Variants in NIPBL observed in about 807,000 individuals in gnomAD.
NIPBL encodes the protein nipped-B-like protein.
A neutral mutation model predicts 321.8 loss-of-function variants in NIPBL; 19 were observed. The ratio of observed to expected loss-of-function variants is 0.06; its 90% CI spans 0.04 to 0.09. The LOEUF is 0.09. Ranked by LOEUF, NIPBL falls within the 10% of genes least tolerant of loss-of-function variation. NIPBL has a pLI of 1.00. For missense variants in NIPBL, 2,210 were observed against 3,327.0 expected, an observed-to-expected ratio of 0.66 and a Z score of 8.26; for synonymous variants, 1,106 against 1,114.1, an observed-to-expected ratio of 0.99 and a Z score of 0.14.
intron 11 of NIPBL, among the ~76,000 whole-genome samples, chr5:36,999,713 C>CGCTT (rs139729234): frequency 0.042 from 6,385 of 152,234 alleles, 455 homozygotes; most frequent in African/African-American, 0.15. Context: ...GCTTATGAAG[C>CGCTT]GTGCATAAGC....
intron 10 of NIPBL, among the ~76,000 whole-genome samples, chr5:36,991,535 A>T (rs1300885011): frequency 3.0e-4 from 45 of 152,250 alleles, no homozygotes; most frequent in Non-Finnish European, 1.5e-5. Flanking sequence ...GGAAAGAATC[A>T]TTTGATCCCT....
chr5:36,957,216 G>T (rs1252255265), intron 3 of NIPBL, among the ~76,000 whole-genome samples: 1 of 152,078 alleles, frequency 6.6e-6, no homozygotes, highest in Non-Finnish European at 1.5e-5. Context: ...TTATATTGAA[G>T]TTTATTGAAA....
chr5:36,980,863 T>G (rs1744060192), intron 9 of NIPBL, among the ~76,000 whole-genome samples: 1 of 151,622 alleles, frequency 6.6e-6, no homozygotes, highest in Non-Finnish European at 1.5e-5. Context: ...GTTTCTGCAT[T>G]GTGTGATGGG....
chr5:36,969,368 C>T (rs979402841), intron 6 of NIPBL, among the ~76,000 whole-genome samples: 2 of 152,158 alleles, frequency 1.3e-5, no homozygotes, highest in African/African-American at 4.8e-5. Flanking sequence ...GCAGCTCAGT[C>T]TAACAACAGT....
intron 21 of NIPBL, 27 bp downstream of exon 21, chr5:37,010,252 A>C: frequency 6.5e-7 from 1 of 1,527,120 alleles, no homozygotes; most frequent in Non-Finnish European, 9.1e-7. Flanking sequence ...AGGTTTTACA[A>C]CTGTACTTTT....
chr5:36,967,954 A>G (rs1003435191), intron 6 of NIPBL, among the ~76,000 whole-genome samples: 1 of 151,964 alleles, frequency 6.6e-6, no homozygotes, highest in Non-Finnish European at 1.5e-5. Flanking sequence ...AAAATTAGCC[A>G]GGCAAGGTGG....
Position 36,953,773 on chromosome 5 carries a change from A to G in NIPBL, c.64+13A>G. On this transcript the variant is annotated intron_variant, in intron 2 of 46. Transcript: ENST00000282516. ...AGTCTCACAGACCGTAAGTTTGGTT[A>G]ATTTATCTAATTTAAGTTCTACTGT... The G allele has an allele frequency of 4.4e-6, 7 of 1,597,236 alleles. No individual in the cohort carries two copies. Among genetic ancestry groups the G allele is most frequent in the Non-Finnish European group, 6.0e-6 (7 of 1,164,674 alleles).
At chr5:37,049,716 C>T (rs1026733680) in intron 40 of NIPBL, among the ~76,000 whole-genome samples, 2 of 152,150 alleles carry the variant, frequency 1.3e-5, no homozygotes, top group Admixed American at 1.3e-4. Context: ...ATTCCTTCAT[C>T]TTTAAGTTGG....
intron 1 of NIPBL, among the ~76,000 whole-genome samples, chr5:36,945,482 A>G (rs1415549807): frequency 6.6e-6 from 1 of 151,840 alleles, no homozygotes; most frequent in Non-Finnish European, 1.5e-5. Context: ...TTCTCTGCAT[A>G]ATAGTACTCA....
At chr5:36,991,174 T>G (rs1303445241) in intron 10 of NIPBL, among the ~76,000 whole-genome samples, 22 of 152,036 alleles carry the variant, frequency 1.4e-4, no homozygotes, top group Admixed American at 1.4e-3. Flanking sequence ...AAATTCTCTT[T>G]TAAACTTATT....
In NIPBL at chr5:37,052,621, ATAAAG is replaced by A. The variant is rs539504872; in HGVS notation, c.7263+58_7263+62del. Reference sequence around the variant, plus strand: ...AATAAGTGCTCTAGAAATTTTATGGATAAAGTAGTCATTTTTTAAATATTACCATT... The same window carrying A: ...AATAAGTGCTCTAGAAATTTTATGGATAGTCATTTTTTAAATATTACCATT... On this transcript the variant is annotated intron_variant, in intron 42 of 46. Transcript: ENST00000282516. The A allele has an allele frequency of 1.1e-3, 1,487 of 1,345,986 alleles. 8 individuals are homozygous for A. Among genetic ancestry groups the A allele is most frequent in the South Asian group, 4.8e-3 (402 of 83,608 alleles). 83.4% of individuals were successfully genotyped at this position (1,345,986 alleles called of 1,614,324 possible). A position where few individuals can be genotyped will look rare whatever the true frequency, so the allele number is the denominator to read the frequency against.
chr5:36,962,709 T>A (rs1409326339), intron 6 of NIPBL, among the ~76,000 whole-genome samples: 1 of 152,094 alleles, frequency 6.6e-6, no homozygotes, highest in Admixed American at 6.5e-5. Context: ...GGAAAAAAAA[T>A]TGAGTCTGTA....
chr5:36,879,206 A>G (rs1745327145), intron 1 of NIPBL, among the ~76,000 whole-genome samples: 1 of 152,186 alleles, frequency 6.6e-6, no homozygotes, highest in Non-Finnish European at 1.5e-5. Context: ...CTTAATTTTC[A>G]CGAACTGAAG....
At position 37,063,802 on chromosome 5, in the gene NIPBL, A is replaced by T; in HGVS notation, c.7873A>T (p.Met2625Leu). The T allele has an allele frequency of 6.2e-7, 1 of 1,613,596 alleles. No individual in the cohort carries two copies. The highest frequency in any genetic ancestry group is 8.5e-7 in the Non-Finnish European group (1 of 1,179,762). ...CTGTTTTTTGTAGTTCAAACTTCTCATGGAACATCTGGACCCTGATGAAGA... is the reference window on the plus strand; with the variant it reads ...CTGTTTTTTGTAGTTCAAACTTCTCTTGGAACATCTGGACCCTGATGAAGA... ...VKQYLDFKLL[M>L]EHLDPDEEEE... The change falls in exon 46 of 47, where the codon ATG becomes TTG. Residue 2625 changes from methionine to leucine, a missense_variant. Met to Leu is a conservative substitution (Grantham distance 15). Transcript: ENST00000282516.
At chr5:36,926,884 T>C (rs1412977965) in intron 1 of NIPBL, among the ~76,000 whole-genome samples, 1 of 152,134 alleles carries the variant, frequency 6.6e-6, no homozygotes, top group Non-Finnish European at 1.5e-5. Context: ...AAATTGGTAA[T>C]AGGGCAAATG....
chr5:37,004,159 G>A (rs1747147045), intron 16 of NIPBL, among the ~76,000 whole-genome samples: 1 of 152,124 alleles, frequency 6.6e-6, no homozygotes, highest in South Asian at 2.1e-4. Context: ...CTCAGTAAAT[G>A]TTAACTCCAG....
At chr5:37,012,605 G>A (rs576699459) in intron 21 of NIPBL, among the ~76,000 whole-genome samples, 33 of 152,140 alleles carry the variant, frequency 2.2e-4, no homozygotes, top group African/African-American at 5.5e-4. Flanking sequence ...AGGACCCTGC[G>A]GCCTTCCGGC....
chr5:36,971,881 CTT>C, intron 7 of NIPBL, 62 bp from the exon 8 acceptor site: 6 of 1,551,694 alleles, frequency 3.9e-6, no homozygotes, highest in Non-Finnish European at 5.3e-6. Flanking sequence ...TATTGGTTCT[CTT>C]TTAAGATTTC....
intron 1 of NIPBL, among the ~76,000 whole-genome samples, chr5:36,893,144 C>T (rs1746471406): frequency 6.6e-6 from 1 of 152,078 alleles, no homozygotes; most frequent in Non-Finnish European, 1.5e-5. Context: ...TTTATCCAGC[C>T]TCATCTGAAG....
Sources: allele counts gnomAD v4.1 joint callset (sites outside exome capture counted in the v4.1 genomes callset), GRCh38; gene constraint gnomAD v4.1.1; transcripts MANE v1.5; gene names NCBI Gene and HGNC (gene_info 2026-07-23, HGNC 2026-07-21).